NTAQ1: variants seen among roughly 807,000 people sequenced by gnomAD.
The protein encoded by NTAQ1 is protein N-terminal glutamine amidohydrolase.
Under a neutral mutation model 28.2 loss-of-function variants are expected in NTAQ1, and 21 were observed. The ratio of observed to expected loss-of-function variants is 0.74; its 90% CI spans 0.53 to 1.07. The LOEUF is 1.07. Ranked by LOEUF, NTAQ1 falls within the 50% of genes least tolerant of loss-of-function variation. The pLI, the probability that NTAQ1 is intolerant of heterozygous loss-of-function variation, is 0.00. For missense variants in NTAQ1, 264 were observed against 256.6 expected, an observed-to-expected ratio of 1.03 and a Z score of -0.20; for synonymous variants, 105 against 90.0, an observed-to-expected ratio of 1.17 and a Z score of -0.94.
At chr8:123,475,026 CA>C (rs1333931903), downstream of NTAQ1, among the ~76,000 whole-genome samples, 1 of 152,170 alleles carries the variant, frequency 6.6e-6, no homozygotes, top group African/African-American at 2.4e-5. Flanking sequence ...CTGTTTCCTT[CA>C]TTTCTTCTCT....
At chr8:123,426,018 C>T (rs565177919) in intron 1 of NTAQ1, among the ~76,000 whole-genome samples, 2 of 152,146 alleles carry the variant, frequency 1.3e-5, no homozygotes, top group South Asian at 2.1e-4. Flanking sequence ...AGCGAGACTC[C>T]GTCCCCGCTC....
At chr8:123,424,362 C>T (rs1813912294) in intron 1 of NTAQ1, among the ~76,000 whole-genome samples, 1 of 152,082 alleles carries the variant, frequency 6.6e-6, no homozygotes, top group African/African-American at 2.4e-5. Context: ...CCTGCCTCAG[C>T]CTCCTGAGTA....
chr8:123,465,347 A>G (rs908970689), intron 6 of NTAQ1, among the ~76,000 whole-genome samples: 9 of 152,116 alleles, frequency 5.9e-5, no homozygotes, highest in East Asian at 1.9e-4. Context: ...ACACATATAG[A>G]TATGTGTAAT....
intron 6 of NTAQ1, among the ~76,000 whole-genome samples, chr8:123,454,809 G>A (rs1415959400): frequency 6.6e-6 from 1 of 152,180 alleles, no homozygotes; most frequent in African/African-American, 2.4e-5. Context: ...TACCCCTGGG[G>A]ACCACGGTAA....
chr8:123,429,081 A>G (rs558302734), intron 2 of NTAQ1, among the ~76,000 whole-genome samples: 5 of 152,228 alleles, frequency 3.3e-5, no homozygotes, highest in Non-Finnish European at 7.3e-5. Flanking sequence ...ACACATTTGC[A>G]GGCATCATCT....
intron 6 of NTAQ1, among the ~76,000 whole-genome samples, chr8:123,453,768 C>G (rs1343702733): frequency 6.6e-6 from 1 of 152,142 alleles, no homozygotes; most frequent in African/African-American, 2.4e-5. Flanking sequence ...GAACTCAATC[C>G]TCAAAACAAC....
Position 123,416,892 on chromosome 8 carries a change from AG to A in NTAQ1, c.44del (p.Ser15ThrfsTer33). 4 of 1,526,708 alleles carry A rather than the reference AG, an allele frequency of 2.6e-6. No individual in the cohort carries two copies. Among genetic ancestry groups the A allele is most frequent in the Non-Finnish European group, 3.5e-6 (4 of 1,137,834 alleles). 94.6% of individuals were successfully genotyped at this position (1,526,708 alleles called of 1,614,324 possible). A position where few individuals can be genotyped will look rare whatever the true frequency, so the allele number is the denominator to read the frequency against. Reference protein sequence around the residue: ...GPAAVHYQPASPPRDACVYSS... With the variant: ...GPAAVHYQPAXPPRDACVYSS... The stretch of plus-strand genomic sequence containing the variant: ...CGCTGCTGTCCACTACCAGCCGGCC[AG>A]CCCCCCGCGGGACGCCTGCGTCTAC... On this transcript the variant is annotated frameshift_variant, in exon 1 of 6. Coordinates refer to ENST00000287387, the MANE Select transcript of NTAQ1 (RefSeq NM_018024.3). LOFTEE classifies it high-confidence loss of function.
chr8:123,474,733 T>C (rs1816073170), downstream of NTAQ1, among the ~76,000 whole-genome samples: 1 of 152,122 alleles, frequency 6.6e-6, no homozygotes, highest in Admixed American at 6.5e-5. Flanking sequence ...GGTGAAACCT[T>C]GTCTCTACCA....
chr8:123,420,707 C>G (rs1044377561), intron 1 of NTAQ1, among the ~76,000 whole-genome samples: 1 of 151,010 alleles, frequency 6.6e-6, no homozygotes, highest in African/African-American at 2.4e-5. Context: ...ATCCTCTCAC[C>G]TCAGCTTCCT....
At chr8:123,460,096 A>G (rs1260158053) in intron 6 of NTAQ1, among the ~76,000 whole-genome samples, 1 of 152,114 alleles carries the variant, frequency 6.6e-6, no homozygotes, top group Non-Finnish European at 1.5e-5. Flanking sequence ...CACTGCGCCC[A>G]GCCCAATGTA....
chr8:123,428,203 G>T (rs576815690), intron 2 of NTAQ1, among the ~76,000 whole-genome samples, 180 bp downstream of exon 2: 1 of 151,938 alleles, frequency 6.6e-6, no homozygotes, highest in East Asian at 1.9e-4. Context: ...TACAAGGCAC[G>T]ATTGAGTTAG....
Position 123,416,942 on chromosome 8 carries a change from C to A in NTAQ1, c.83+10C>A. ...ACAGCAGCTGCTACTGGTGAGGGGG[C>A]GCGGGCGCAGCCTCTGGGTCTCCCA... On this transcript the variant is annotated intron_variant, in intron 1 of 5. Transcript: ENST00000287387. The A allele has an allele frequency of 6.8e-7, 1 of 1,478,422 alleles. No individual in the cohort carries two copies. Among genetic ancestry groups the A allele is most frequent in the Non-Finnish European group, 9.0e-7 (1 of 1,112,208 alleles). The allele number at this position is 1,478,422 out of a possible 1,614,324, so 91.6% of individuals were successfully genotyped here. A position where few individuals can be genotyped will look rare whatever the true frequency, so the allele number is the denominator to read the frequency against.
At chr8:123,455,868 G>A (rs1815634949) in intron 6 of NTAQ1, among the ~76,000 whole-genome samples, 1 of 152,148 alleles carries the variant, frequency 6.6e-6, no homozygotes, top group Non-Finnish European at 1.5e-5. Flanking sequence ...TAGTAAGTGG[G>A]TAAACTTTAG....
intron 6 of NTAQ1, among the ~76,000 whole-genome samples, chr8:123,465,964 G>C (rs1481921262): frequency 6.6e-6 from 1 of 152,130 alleles, no homozygotes; most frequent in Admixed American, 6.6e-5. Flanking sequence ...GTTGTATTCT[G>C]TTGTATACCC....
chr8:123,443,719 C>T (rs746514628), downstream of NTAQ1, among the ~76,000 whole-genome samples: 5 of 152,118 alleles, frequency 3.3e-5, no homozygotes, highest in Non-Finnish European at 4.4e-5. Flanking sequence ...GGACTACAGG[C>T]GTGCCACAGT....
chr8:123,452,427 T>C (rs1038306312), downstream of NTAQ1, among the ~76,000 whole-genome samples: 1 of 152,168 alleles, frequency 6.6e-6, no homozygotes, highest in African/African-American at 2.4e-5. Flanking sequence ...TGAAACCCTG[T>C]CTCTACTAAA....
chr8:123,426,342 A>C (rs1243496093), intron 1 of NTAQ1, among the ~76,000 whole-genome samples: 1 of 152,200 alleles, frequency 6.6e-6, no homozygotes, highest in African/African-American at 2.4e-5. Context: ...GATTGATTTC[A>C]GTTCAGTATG....
At chr8:123,471,777 G>C (rs550854493), downstream of NTAQ1, among the ~76,000 whole-genome samples, 10 of 152,218 alleles carry the variant, frequency 6.6e-5, no homozygotes, top group East Asian at 1.7e-3. Context: ...CCCACATTAG[G>C]GAGGGTAATC....
chr8:123,420,590 CTTTT>C (rs71310676), intron 1 of NTAQ1, among the ~76,000 whole-genome samples: 5 of 102,028 alleles, frequency 4.9e-5, no homozygotes, highest in Non-Finnish European at 9.1e-5. Flanking sequence ...TATTTTTTGC[CTTTT>C]TTTTTTTTTT....
Sources: allele counts gnomAD v4.1 joint callset (sites outside exome capture counted in the v4.1 genomes callset), GRCh38; gene constraint gnomAD v4.1.1; transcripts MANE v1.5; gene names NCBI Gene and HGNC (gene_info 2026-07-23, HGNC 2026-07-21).